Variants in CSNK1G2 observed in about 807,000 individuals in gnomAD.
CSNK1G2 encodes the protein casein kinase I isoform gamma-2.
CSNK1G2 carries 11 observed loss-of-function variants against 48.0 expected under a neutral mutation model. The observed-to-expected ratio is 0.23, with a 90% CI of 0.14 to 0.38. The LOEUF (loss-of-function observed/expected upper bound fraction) is 0.38, where lower values mean the gene tolerates loss of function less well. CSNK1G2 is among the 10% of genes least tolerant of loss of function. The pLI, the probability that CSNK1G2 is intolerant of heterozygous loss-of-function variation, is 1.00. For synonymous variants in CSNK1G2, 337 were observed against 254.1 expected, an observed-to-expected ratio of 1.33 and a Z score of -3.10; for missense variants, 446 against 595.5, an observed-to-expected ratio of 0.75 and a Z score of 2.61.
intron 1 of CSNK1G2, among the ~76,000 whole-genome samples, chr19:1,946,942 G>A (rs891973886): frequency 1.3e-5 from 2 of 151,800 alleles, no homozygotes; most frequent in African/African-American, 4.8e-5. Flanking sequence ...ACAGAGTCTC[G>A]CTCTGTTGTC....
chr19:1,949,820 C>T (rs1044038236), intron 1 of CSNK1G2, among the ~76,000 whole-genome samples: 68 of 152,354 alleles, frequency 4.5e-4, no homozygotes, highest in African/African-American at 1.6e-3. Context: ...GCTTCTCTGG[C>T]CTGCAGGGCA....
At chr19:1,976,136 A>AAT (rs1318651503) in intron 2 of CSNK1G2, 8 of 1,283,004 alleles carry the variant, frequency 6.2e-6, no homozygotes, top group Non-Finnish European at 8.1e-6. Flanking sequence ...GGGCCTCGGC[A>AAT]ATGAGTGTTG....
rs2015026760 is a variant in CSNK1G2, at chr19:1,957,153, G to A, written c.-265-12355G>A. Among the ~76,000 whole-genome samples the A allele has an allele frequency of 6.6e-5, 10 of 152,302 alleles. 1 individual carries two copies. The South Asian group carries it at 2.1e-3, about 32-fold the overall frequency. Reference sequence around the variant, plus strand: ...GGAGAGGGCAAGGCAGGGGCGGCTAGAAAGAAAAGCAACCTGGACGCAGGC... The same window carrying A: ...GGAGAGGGCAAGGCAGGGGCGGCTAAAAAGAAAAGCAACCTGGACGCAGGC... On this transcript the variant is annotated intron_variant, in intron 1 of 11. Coordinates refer to ENST00000255641, the MANE Select transcript of CSNK1G2 (RefSeq NM_001319.7). The surrounding 1 kb of genome is among the most constrained non-coding windows in gnomAD (Gnocchi z 5.4).
At chr19:1,971,399 C>T (rs2015564174) in intron 2 of CSNK1G2, among the ~76,000 whole-genome samples, 1 of 152,246 alleles carries the variant, frequency 6.6e-6, no homozygotes, top group African/African-American at 2.4e-5. Context: ...TCAGGAGGCC[C>T]GGGCTCCGTT....
At chr19:1,945,842 C>T (rs1362347408) in intron 1 of CSNK1G2, among the ~76,000 whole-genome samples, 2 of 142,830 alleles carry the variant, frequency 1.4e-5, no homozygotes, top group African/African-American at 5.1e-5. Flanking sequence ...AAAAAAAAAG[C>T]TGGTTCTCCC....
intron 1 of CSNK1G2, among the ~76,000 whole-genome samples, chr19:1,967,918 CCTCCCTT>C (rs1217199873): frequency 3.0e-5 from 1 of 33,260 alleles, no homozygotes; most frequent in East Asian, 1.2e-3. Flanking sequence ...GCTCCTCCCT[CCTCCCTT>C]CTCCCCAGGC....
At chr19:1,970,037 G>A (rs2015512054) in intron 2 of CSNK1G2, 78 bp downstream of exon 2, 2 of 1,187,188 alleles carry the variant, frequency 1.7e-6, no homozygotes, top group Non-Finnish European at 2.1e-6. Context: ...CCTCTGGTGG[G>A]GCCGCCCGGG....
At chr19:1,954,127 C>CA (rs34622118) in intron 1 of CSNK1G2, 273,275 of 446,494 alleles carry the variant, frequency 0.61, 86,602 homozygotes, top group Non-Finnish European at 0.68. Context: ...GCACCTGATG[C>CA]GTTAAACCCA....
At chr19:1,969,125 GTGTC>G (rs1458982201) in intron 1 of CSNK1G2, among the ~76,000 whole-genome samples, 1 of 152,188 alleles carries the variant, frequency 6.6e-6, no homozygotes, top group Non-Finnish European at 1.5e-5. Flanking sequence ...TGGCCCCTCT[GTGTC>G]TGGGGGTGCG....
intron 1 of CSNK1G2, among the ~76,000 whole-genome samples, chr19:1,942,302 G>C (rs1465661795): frequency 1.3e-5 from 2 of 152,280 alleles, no homozygotes; most frequent in African/African-American, 2.4e-5. Context: ...TTCCCGTTGA[G>C]GGGCGTGGGG....
At chr19:1,979,424 C>A (rs771980201) in intron 8 of CSNK1G2, 21 bp downstream of exon 8, 38 of 1,538,438 alleles carry the variant, frequency 2.5e-5, no homozygotes, top group Non-Finnish European at 3.2e-5. Context: ...CCTGCGCCCC[C>A]GCCCTGTGCC....
chr19:1,963,488 A>T (rs1219418388), intron 1 of CSNK1G2, among the ~76,000 whole-genome samples: 1 of 152,088 alleles, frequency 6.6e-6, no homozygotes, highest in Non-Finnish European at 1.5e-5. Context: ...CTGAGATTAC[A>T]GGCATGAGCC....
rs566285242 is a variant in CSNK1G2 at position 1,965,124 on chromosome 19, G to A, written c.-265-4384G>A. Among the ~76,000 whole-genome samples the A allele has an allele frequency of 4.0e-5, 6 of 150,336 alleles. No individual in the cohort carries two copies. The South Asian group carries it at 8.5e-4, about 21-fold the overall frequency. On this transcript the variant is annotated intron_variant, in intron 1 of 11. Coordinates refer to ENST00000255641, the MANE Select transcript of CSNK1G2 (RefSeq NM_001319.7). ...ACACGATCAGTTTCCGGCCGGGCGC[G>A]GTGGCTCACACCTGTGATCCCAGCA... is the stretch of plus-strand genomic sequence containing the variant.
chr19:1,968,220 G>C (rs182340356), intron 1 of CSNK1G2, among the ~76,000 whole-genome samples: 2 of 24,950 alleles, frequency 8.0e-5, no homozygotes, highest in Non-Finnish European at 1.1e-4. Flanking sequence ...GGCTGCCCCA[G>C]ACCACCCTTC....
At chr19:1,967,338 GC>G (rs1450103016) in intron 1 of CSNK1G2, among the ~76,000 whole-genome samples, 1 of 152,152 alleles carries the variant, frequency 6.6e-6, no homozygotes, top group Non-Finnish European at 1.5e-5. Flanking sequence ...TTCACCCGCG[GC>G]CCCTACGTCC....
intron 1 of CSNK1G2, among the ~76,000 whole-genome samples, chr19:1,947,643 G>T (rs1427519208): frequency 6.6e-6 from 1 of 152,182 alleles, no homozygotes; most frequent in Admixed American, 6.5e-5. Context: ...TGGGTGCGCC[G>T]AGGGGGATCC....
intron 1 of CSNK1G2, among the ~76,000 whole-genome samples, chr19:1,960,916 G>C (rs549792341): frequency 6.6e-6 from 1 of 152,346 alleles, no homozygotes; most frequent in Admixed American, 6.5e-5. Flanking sequence ...AGGCACGGAC[G>C]TTTCAGCCCC....
chr19:1,967,462 G>T (rs2015399239), intron 1 of CSNK1G2, among the ~76,000 whole-genome samples: 1 of 152,152 alleles, frequency 6.6e-6, no homozygotes, highest in Non-Finnish European at 1.5e-5. Flanking sequence ...CTAGAATGGG[G>T]CCAGGGGTGG....
At chr19:1,958,989 A>C (rs1026325914) in intron 1 of CSNK1G2, among the ~76,000 whole-genome samples, 1 of 138,022 alleles carries the variant, frequency 7.2e-6, no homozygotes, top group Non-Finnish European at 1.5e-5. Flanking sequence ...CCCTTCCCCA[A>C]ATTCCCCATG....
Sources: gnomAD v4.1 joint callset for allele counts (sites outside exome capture counted in the v4.1 genomes callset) on GRCh38, gnomAD v4.1.1 for gene constraint, Gnocchi (gnomAD v3.1) non-coding constraint, MANE v1.5 for transcripts, NCBI Gene and HGNC (gene_info 2026-07-23, HGNC 2026-07-21) for gene names.